The following TOP1MT variants were observed in gnomAD, a reference collection of about 807,000 sequenced individuals.
TOP1MT encodes DNA topoisomerase I mitochondrial.
A neutral mutation model predicts 73.9 loss-of-function variants in TOP1MT; 80 were observed. The observed-to-expected ratio is 1.08, with a 90% confidence interval of 0.90 to 1.30. The LOEUF is 1.30. Ranked by LOEUF, TOP1MT falls within the 50% of genes most tolerant of loss-of-function variation. TOP1MT has a pLI of 0.00. For missense variants in TOP1MT, 815 were observed against 808.0 expected (o/e 1.01, Z -0.10); for synonymous variants, 338 against 326.4 (o/e 1.04, Z -0.38).
In TOP1MT at chr8:143,344,539, TC is replaced by T; in HGVS notation, c.-39+376del. 6.6e-6 allele frequency: 1 copy of T among 151,126 alleles called. No homozygotes were observed. 9.4% of individuals were successfully genotyped at this position (151,126 alleles called of 1,614,324 possible). ...AGGATACAAAGGCAAGCCTCCCCAC[TC>T]CCCAGCCACTCCCTTACTCAGTGAG... On this transcript the variant is annotated intron_variant, in intron 1 of 5. Transcript: ENST00000518007. The surrounding 1 kb of genome is among the most constrained non-coding windows in gnomAD (Gnocchi z 4.6).
At chr8:143,317,904 G>A (rs1490585002) in intron 9 of TOP1MT, 67 bp from the exon 10 acceptor site, 1 of 1,596,118 alleles carries the variant, frequency 6.3e-7, no homozygotes. Flanking sequence ...CCGCGGGAAG[G>A]AAAGGACATG....
Position 143,309,360 on chromosome 8 carries a change from A to C in TOP1MT, c.*81T>G. 2.1e-6 allele frequency: 3 copies of C among 1,445,890 alleles called. No individual in the cohort carries two copies. The highest frequency in any genetic ancestry group is 2.9e-6 in the Non-Finnish European group (3 of 1,050,576). The allele number at this position is 1,445,890 out of a possible 1,614,324, so 89.6% of individuals were successfully genotyped here. On this transcript the variant is annotated 3_prime_UTR_variant, in exon 14 of 14. Coordinates refer to ENST00000329245, the MANE Select transcript of TOP1MT (RefSeq NM_052963.3). ...ATGTACAAGCACTTGCACACATTTT[A>C]TTGTACAAAATTCCCCAGTACTGCT...
chr8:143,309,402 C>T lies in TOP1MT; in HGVS notation c.*39G>A. On this transcript the variant is annotated 3_prime_UTR_variant, in exon 14 of 14. Coordinates refer to ENST00000329245, the MANE Select transcript of TOP1MT (RefSeq NM_052963.3). ...AGTACTGCTTTAATAGTGAAAAAAACACACACACATACAAAAGAAGTTTCA... is the reference window on the plus strand; with the variant it reads ...AGTACTGCTTTAATAGTGAAAAAAATACACACACATACAAAAGAAGTTTCA... 6.3e-7 allele frequency: 1 copy of T among 1,577,006 alleles called. No individual in the cohort carries two copies. The highest frequency in any genetic ancestry group is 1.1e-5 in the South Asian group (1 of 90,190).
rs983381779 is a variant in TOP1MT, at chr8:143,344,883, T to C, written c.-39+33A>G. The C allele has an allele frequency of 2.0e-5, 3 of 152,358 alleles. No homozygotes were observed. The highest frequency in any genetic ancestry group is 7.3e-5 in the African/African-American group (3 of 41,372). The allele number at this position is 152,358 out of a possible 1,614,324, so 9.4% of individuals were successfully genotyped here. ...GAACAAGGCCAGGCAGGAGACAGAA[T>C]GGATGGGCGTCAAGGGAGGAGCCAC... On this transcript the variant is annotated intron_variant, in intron 1 of 5. Transcript: ENST00000518007. The surrounding 1 kb of genome is among the most constrained non-coding windows in gnomAD (Gnocchi z 4.6).
upstream of TOP1MT, among the ~76,000 whole-genome samples, chr8:143,349,663 CAG>C (rs1817288984): frequency 1.4e-5 from 2 of 143,926 alleles, no homozygotes; most frequent in South Asian, 2.2e-4. Flanking sequence ...TCTGTTGAGA[CAG>C]AGTCTTGCTC....
chr8:143,352,060 C>T (rs1817329262), intron 1 of TOP1MT, among the ~76,000 whole-genome samples: 1 of 152,206 alleles, frequency 6.6e-6, no homozygotes, highest in African/African-American at 2.4e-5. Context: ...GCAGCCTGGG[C>T]AACAAGAGTG....
At chr8:143,358,445 T>C (rs55949834), upstream of TOP1MT, 3,499 of 152,272 alleles carry the variant, frequency 0.023, 54 homozygotes, top group Non-Finnish European at 0.035. Context: ...TTCCACCCCA[T>C]TCTCTACCAT....
At chr8:143,323,351 C>T (rs1423129293) in intron 7 of TOP1MT, among the ~76,000 whole-genome samples, 5 of 131,690 alleles carry the variant, frequency 3.8e-5, no homozygotes, top group South Asian at 2.6e-4. Context: ...CACACATGCA[C>T]GCCACACCCA....
chr8:143,316,994 A>G (rs548865504), intron 10 of TOP1MT, among the ~76,000 whole-genome samples: 1 of 152,336 alleles, frequency 6.6e-6, no homozygotes, highest in East Asian at 1.9e-4. Flanking sequence ...CCCAGCTCCA[A>G]GGTTGTCCCC....
chr8:143,356,660 C>T (rs1160636966), upstream of TOP1MT, among the ~76,000 whole-genome samples: 1 of 151,300 alleles, frequency 6.6e-6, no homozygotes, highest in Admixed American at 6.6e-5. Flanking sequence ...GTGGTATGCA[C>T]CTGTAGTCCC....
At chr8:143,342,134 G>GTTA (rs754202197) in intron 2 of TOP1MT, among the ~76,000 whole-genome samples, 3 of 122,872 alleles carry the variant, frequency 2.4e-5, no homozygotes, top group African/African-American at 4.4e-5. Flanking sequence ...GTCTCGCTCT[G>GTTA]TTATTATTAT....
rs150997270 is a variant in TOP1MT, at chr8:143,321,231, G to C, written c.1116C>G (p.Arg372=). ...TCTCCACCGGCACTCTGTTGTAGTA[G>C]CGGATGCAGTCCTTCCCCAGGAAGT... is the stretch of plus-strand genomic sequence containing the variant. ...EFDFLGKDCI[R]YYNRVPVEKP... is the part of the protein sequence containing the mutation. The change falls in exon 8 of 14, where the codon CGC becomes CGG. Residue 372 remains arginine, a synonymous_variant. Transcript: ENST00000329245. 40 of 1,610,458 alleles carry C rather than the reference G, an allele frequency of 2.5e-5. No individual in the cohort carries two copies. The African/African-American group carries it at 5.4e-4, about 22-fold the overall frequency.
intron 3 of TOP1MT, chr8:143,328,200 G>C: frequency 2.2e-6 from 1 of 454,956 alleles, no homozygotes; most frequent in Middle Eastern, 3.3e-4. Flanking sequence ...CACCATAAAA[G>C]ACAGATTGAT....
intron 2 of TOP1MT, 152 bp from the exon 3 acceptor site, chr8:143,329,623 G>A: frequency 1.1e-6 from 1 of 925,854 alleles, no homozygotes; most frequent in Non-Finnish European, 1.6e-6. Flanking sequence ...AGCATGTTCT[G>A]CATGACACAC....
intron 9 of TOP1MT, 53 bp from the exon 10 acceptor site, chr8:143,317,890 C>T (rs896300238): frequency 1.9e-6 from 3 of 1,601,440 alleles, no homozygotes; most frequent in Non-Finnish European, 2.6e-6. Flanking sequence ...GCCGTCCCAG[C>T]CTCCCGCGGG....
chr8:143,347,070 C>T (rs1057494807), upstream of TOP1MT, among the ~76,000 whole-genome samples: 4 of 151,586 alleles, frequency 2.6e-5, no homozygotes, highest in Non-Finnish European at 5.9e-5. Context: ...CTGCAACCTC[C>T]GCCTCCCAGG....
At chr8:143,330,339 G>A (rs889177447) in intron 2 of TOP1MT, among the ~76,000 whole-genome samples, 1 of 152,240 alleles carries the variant, frequency 6.6e-6, no homozygotes, top group Non-Finnish European at 1.5e-5. Flanking sequence ...CTGCTGTGGG[G>A]CAGGCGAGGC....
At chr8:143,319,550 C>A (rs1816271295) in intron 8 of TOP1MT, among the ~76,000 whole-genome samples, 1 of 152,050 alleles carries the variant, frequency 6.6e-6, no homozygotes. Context: ...ACAGGGGACA[C>A]CGTGACTCTT....
upstream of TOP1MT, among the ~76,000 whole-genome samples, chr8:143,349,135 T>A (rs1817278446): frequency 6.6e-6 from 1 of 152,108 alleles, no homozygotes; most frequent in South Asian, 2.1e-4. Flanking sequence ...CATGAGCCTC[T>A]TCTGTTTAAT....
Sources: allele counts gnomAD v4.1 joint callset (sites outside exome capture counted in the v4.1 genomes callset), GRCh38; gene constraint gnomAD v4.1.1; non-coding constraint Gnocchi (gnomAD v3.1); transcripts MANE v1.5; gene names NCBI Gene and HGNC (gene_info 2026-07-23, HGNC 2026-07-21).